The following IQSEC1 variants were observed in gnomAD, a reference collection of about 807,000 sequenced individuals.
The protein encoded by IQSEC1 is IQ motif and Sec7 domain ArfGEF 1.
A neutral mutation model predicts 91.0 loss-of-function variants in IQSEC1; 31 were observed. The ratio of observed to expected loss-of-function variants is 0.34; its 90% CI spans 0.26 to 0.46. IQSEC1 has a LOEUF of 0.46. IQSEC1 is among the 20% of genes least tolerant of loss of function. IQSEC1 has a pLI of 1.00. For synonymous variants in IQSEC1, 699 were observed against 662.6 expected (o/e 1.05, Z -0.84); for missense variants, 1,388 against 1,575.6 (o/e 0.88, Z 2.02).
intron 1 of IQSEC1, among the ~76,000 whole-genome samples, chr3:12,957,759 C>A (rs1189262571): frequency 6.6e-6 from 1 of 152,234 alleles, no homozygotes; most frequent in Non-Finnish European, 1.5e-5. Context: ...CATAGCAAAA[C>A]TGAAAGGAAA....
intron 1 of IQSEC1, among the ~76,000 whole-genome samples, chr3:13,219,954 C>T (rs375741977): frequency 1.8e-4 from 28 of 152,370 alleles, no homozygotes; most frequent in Non-Finnish European, 3.2e-4. Context: ...TCACTCCAGG[C>T]GTGGCAACTC....
rs547889895 is a variant in IQSEC1, at chr3:12,916,265, G to C, written c.2021-532C>G. The stretch of plus-strand genomic sequence containing the variant: ...CAGCACAGGCTTGTTGTGAGGAAAC[G>C]AGGGGCGCCTGGGGCGTGCCCAGCT... On this transcript the variant is annotated intron_variant, in intron 6 of 13. Coordinates refer to ENST00000613206, the MANE Select transcript of IQSEC1 (RefSeq NM_001134382.3). Among the ~76,000 whole-genome samples, 5 of 152,332 alleles carry C rather than the reference G, an allele frequency of 3.3e-5. No homozygotes were observed. In the East Asian group the frequency reaches 9.6e-4, roughly 29 times the overall value.
rs189856597 is a variant in IQSEC1 at position 13,271,667 on chromosome 3, A to T, written c.272+11044T>A. On this transcript the variant is annotated intron_variant, in intron 1 of 15. Coordinates refer to the IQSEC1 transcript ENST00000648114. ...AAAAATCAGCTGGGCATGGTGGTGC[A>T]CACCTGTAGTCCCAGCTACTCATGA... Among the ~76,000 whole-genome samples the T allele has an allele frequency of 1.6e-4, 25 of 151,864 alleles. No homozygotes were observed. In the South Asian group the frequency reaches 3.1e-3, roughly 19 times the overall value.
chr3:13,013,511 C>T (rs1702983229), intron 1 of IQSEC1, among the ~76,000 whole-genome samples: 2 of 152,244 alleles, frequency 1.3e-5, no homozygotes, highest in African/African-American at 4.8e-5. Context: ...GACCCTCCAA[C>T]CTGCCCTCAG....
chr3:13,235,120 T>A (rs955888056), intron 1 of IQSEC1, among the ~76,000 whole-genome samples: 1 of 152,204 alleles, frequency 6.6e-6, no homozygotes, highest in Non-Finnish European at 1.5e-5. Context: ...CGGTTTCCTC[T>A]GTGGGATCTG....
In IQSEC1 at chr3:12,915,567, C is replaced by T. The variant is rs772300909; in HGVS notation, c.2160+27G>A. 9.3e-6 allele frequency: 15 copies of T among 1,608,680 alleles called. No homozygotes were observed. In the Admixed American group the frequency reaches 2.2e-4, roughly 23 times the overall value. ...GCCCCGCCCGGGTGGTGCTGGGGCC[C>T]ACCACGTACCAGGGCCCATCACATA... On this transcript the variant is annotated intron_variant, in intron 7 of 13. Transcript: ENST00000613206.
intron 1 of IQSEC1, among the ~76,000 whole-genome samples, chr3:12,986,406 G>A (rs1290786656): frequency 6.6e-6 from 1 of 152,244 alleles, no homozygotes; most frequent in Non-Finnish European, 1.5e-5. Context: ...GGTCACACAG[G>A]CAGACTACTG....
At position 13,260,336 on chromosome 3, in the gene IQSEC1, G is replaced by A. The variant is rs74384775; in HGVS notation, c.272+22375C>T. Among the ~76,000 whole-genome samples the A allele has an allele frequency of 7.5e-3, 1,148 of 152,310 alleles. 7 individuals carry two copies. Among genetic ancestry groups the A allele is most frequent in the Middle Eastern group, 0.058 (17 of 294 alleles). On this transcript the variant is annotated intron_variant, in intron 1 of 15. Coordinates refer to the IQSEC1 transcript ENST00000648114. Reference sequence around the variant, plus strand: ...TAACTCCCAGGTTGACATTTTGAAGGAAGCCAGAGAAGGGGCACCTATGCA... The same window carrying A: ...TAACTCCCAGGTTGACATTTTGAAGAAAGCCAGAGAAGGGGCACCTATGCA...
At chr3:13,104,571 C>A (rs1454529088) in intron 2 of IQSEC1, among the ~76,000 whole-genome samples, 1 of 152,192 alleles carries the variant, frequency 6.6e-6, no homozygotes. Context: ...TGGGTGCCAT[C>A]CTCTTTCCCC....
chr3:13,085,422 G>C (rs949550260), intron 2 of IQSEC1, among the ~76,000 whole-genome samples: 1 of 152,120 alleles, frequency 6.6e-6, no homozygotes, highest in African/African-American at 2.4e-5. Context: ...TGGCAGACAG[G>C]AACCCTTCAG....
intron 3 of IQSEC1, among the ~76,000 whole-genome samples, chr3:12,928,891 T>C (rs773084878): frequency 8.5e-5 from 13 of 152,182 alleles, no homozygotes; most frequent in Non-Finnish European, 1.8e-4. Context: ...AGGGGGAAGC[T>C]GTGCGGTCCC....
At chr3:12,921,436 C>G (rs1696620759) in intron 5 of IQSEC1, among the ~76,000 whole-genome samples, 1 of 152,204 alleles carries the variant, frequency 6.6e-6, no homozygotes, top group Admixed American at 6.5e-5. Flanking sequence ...CAGCACCAAA[C>G]ATGCAGGCTT....
chr3:13,257,924 T>C (rs1055483729), intron 1 of IQSEC1, among the ~76,000 whole-genome samples: 6 of 152,248 alleles, frequency 3.9e-5, no homozygotes, highest in Non-Finnish European at 7.3e-5. Context: ...ACAACCAAGA[T>C]GTCCCTCAGC....
At chr3:12,941,985 C>T (rs1260296980) in intron 1 of IQSEC1, 120 bp from the exon 2 acceptor site, 2 of 931,410 alleles carry the variant, frequency 2.1e-6, no homozygotes, top group Non-Finnish European at 3.1e-6. Flanking sequence ...TCTTCTCACA[C>T]CCCATGGCTG....
intron 1 of IQSEC1, among the ~76,000 whole-genome samples, chr3:13,046,779 C>T (rs954687352): frequency 6.6e-5 from 10 of 152,122 alleles, no homozygotes; most frequent in Non-Finnish European, 1.0e-4. Context: ...ACCTCTACAA[C>T]GCAGCACAGA....
chr3:13,094,586 C>T (rs1705923147), intron 2 of IQSEC1, among the ~76,000 whole-genome samples: 1 of 152,214 alleles, frequency 6.6e-6, no homozygotes, highest in South Asian at 2.1e-4. Context: ...AGACCCTGCA[C>T]TAAGTACTGT....
chr3:13,241,604 A>G (rs1695021884), intron 1 of IQSEC1, among the ~76,000 whole-genome samples: 2 of 152,272 alleles, frequency 1.3e-5, no homozygotes, highest in Admixed American at 1.3e-4. Flanking sequence ...GAGAGGTGTC[A>G]GGATGAGTCC....
intron 2 of IQSEC1, among the ~76,000 whole-genome samples, chr3:13,087,544 A>C (rs1705757298): frequency 1.3e-5 from 2 of 152,194 alleles, no homozygotes; most frequent in South Asian, 4.1e-4. Flanking sequence ...ATGACTTTGC[A>C]ATTTGCTAAG....
intron 2 of IQSEC1, among the ~76,000 whole-genome samples, chr3:13,147,732 A>G (rs1428766904): frequency 2.0e-5 from 3 of 152,200 alleles, no homozygotes; most frequent in Non-Finnish European, 4.4e-5. Context: ...TTCCAGGTTC[A>G]AGCGATCCTC....
Sources: gnomAD v4.1 joint callset for allele counts (sites outside exome capture counted in the v4.1 genomes callset) on GRCh38, gnomAD v4.1.1 for gene constraint, MANE v1.5 for transcripts, NCBI Gene and HGNC (gene_info 2026-07-23, HGNC 2026-07-21) for gene names.